CDH1: variants seen among roughly 807,000 people sequenced by gnomAD.
CDH1 encodes the protein cadherin-1.
In CDH1, 35 loss-of-function variants were observed where a neutral mutation model predicts 84.5. The ratio of observed to expected loss-of-function variants is 0.41; its 90% confidence interval spans 0.32 to 0.55. CDH1 has a LOEUF of 0.55. Ranked by LOEUF, CDH1 falls within the 20% of genes least tolerant of loss-of-function variation. The pLI is 0.19. For synonymous variants in CDH1, 417 were observed against 439.0 expected (o/e 0.95, Z 0.63); for missense variants, 994 against 1,126.6 (o/e 0.88, Z 1.68).
In CDH1 at chr16:68,786,534, C is replaced by CTTTTTTTTTTTTTTTTTTTTTTTTTTT. The variant is rs3074434; in HGVS notation, c.164-15117_164-15116insTTTTTTTTTTTTTTTTTTTTTTTTTTT. Among the ~76,000 whole-genome samples, 173 of 73,938 alleles carry CTTTTTTTTTTTTTTTTTTTTTTTTTTT rather than the reference C, an allele frequency of 2.3e-3. 5 individuals are homozygous for CTTTTTTTTTTTTTTTTTTTTTTTTTTT. The highest frequency in any genetic ancestry group is 3.8e-3 in the African/African-American group (64 of 16,946). The allele number at this position is 73,938 out of a possible 152,430, so 48.5% of individuals were successfully genotyped here. A position where few individuals can be genotyped will look rare whatever the true frequency, so the allele number is the denominator to read the frequency against. ...CTTTCTGCTTTCTTTTTTTTTTTTT[C>CTTTTTTTTTTTTTTTTTTTTTTTTTTT]TTTTTTTTTTTTTTTTTTTGGTATT... is the stretch of plus-strand genomic sequence containing the variant. On this transcript the variant is annotated intron_variant, in intron 2 of 15. Coordinates refer to ENST00000261769, the MANE Select transcript of CDH1 (RefSeq NM_004360.5).
chr16:68,785,712 G>A (rs1960028843), intron 2 of CDH1, among the ~76,000 whole-genome samples: 1 of 151,168 alleles, frequency 6.6e-6, no homozygotes. Context: ...GTGTCTTGAC[G>A]ATCATTCCCC....
intron 9 of CDH1, among the ~76,000 whole-genome samples, chr16:68,814,809 A>G (rs1960939433): frequency 6.6e-6 from 1 of 151,306 alleles, no homozygotes; most frequent in African/African-American, 2.4e-5. Flanking sequence ...GGGCCCAACT[A>G]CTTGGGAGGC....
intron 2 of CDH1, among the ~76,000 whole-genome samples, chr16:68,778,316 G>A (rs1003677079): frequency 1.3e-5 from 2 of 152,336 alleles, no homozygotes; most frequent in African/African-American, 4.8e-5. Context: ...AAAATGCTGG[G>A]ATTACAGGTG....
intron 2 of CDH1, among the ~76,000 whole-genome samples, chr16:68,769,769 G>C (rs1306782384): frequency 2.6e-5 from 4 of 151,778 alleles, no homozygotes; most frequent in South Asian, 4.2e-4. Context: ...CTCTACAAAA[G>C]ATAAAAACAT....
chr16:68,790,589 C>T (rs35444713), intron 2 of CDH1, among the ~76,000 whole-genome samples: 33,957 of 152,042 alleles, frequency 0.22, 4,564 homozygotes, highest in Middle Eastern at 0.32. Flanking sequence ...GAAAATCAAA[C>T]GCATTTCCCT....
At chr16:68,779,770 G>C (rs543313702) in intron 2 of CDH1, among the ~76,000 whole-genome samples, 1 of 152,138 alleles carries the variant, frequency 6.6e-6, no homozygotes, top group Non-Finnish European at 1.5e-5. Flanking sequence ...GAAGAATTGC[G>C]TGAACCTGGG....
At chr16:68,783,579 A>G (rs1193036181) in intron 2 of CDH1, among the ~76,000 whole-genome samples, 1 of 152,118 alleles carries the variant, frequency 6.6e-6, no homozygotes, top group African/African-American at 2.4e-5. Flanking sequence ...CCTATTCCCT[A>G]TCCCATTTAG....
intron 2 of CDH1, among the ~76,000 whole-genome samples, chr16:68,784,294 C>CCT (rs1959978073): frequency 6.6e-6 from 1 of 152,162 alleles, no homozygotes; most frequent in Admixed American, 6.6e-5. Flanking sequence ...TACAGTTCCG[C>CCT]CTCTGTGCAT....
In CDH1 at chr16:68,813,441, A is replaced by G. The variant is rs776805501; in HGVS notation, c.1266A>G (p.Gln422=). ...CCATATTGAATGATGATGGTGGACA[A>G]TTTGTCGTCACCACAAATCCAGTGA... ...VYTILNDDGG[Q]FVVTTNPVNN... The change falls in exon 9 of 16, where the codon CAA becomes CAG. Residue 422 remains glutamine (Q), a synonymous_variant. Coordinates refer to ENST00000261769, the MANE Select transcript of CDH1 (RefSeq NM_004360.5). 9.3e-6 allele frequency: 15 copies of G among 1,614,208 alleles called. No homozygotes were observed. The highest frequency in any genetic ancestry group is 3.3e-4 in the Middle Eastern group (2 of 6,062).
At position 68,785,739 on chromosome 16, in the gene CDH1, C is replaced by CTT. The variant is rs34117943; in HGVS notation, c.164-15920_164-15919dup. On this transcript the variant is annotated intron_variant, in intron 2 of 15. Coordinates refer to ENST00000261769, the MANE Select transcript of CDH1 (RefSeq NM_004360.5). The stretch of plus-strand genomic sequence containing the variant: ...TCATTCCCCTGCAGAGCATAAAGAG[C>CTT]TTTTTTTTTTTTAATAGGTTCATAG... 2.1e-3 allele frequency among the ~76,000 whole-genome samples: 311 copies of CTT among 147,784 alleles called. 3 individuals carry two copies. The highest frequency in any genetic ancestry group is 7.0e-3 in the African/African-American group (283 of 40,402).
At position 68,815,709 on chromosome 16, in the gene CDH1, C is replaced by G. The variant is rs1195063947; in HGVS notation, c.1515C>G (p.Ile505Met). Residue 505 changes from isoleucine to methionine, a missense_variant, in exon 10 of 16, where the codon ATC becomes ATG. Coordinates refer to ENST00000261769, the MANE Select transcript of CDH1 (RefSeq NM_004360.5). ...AGGACTTTGGCGTGGGCCAGGAAAT[C>G]ACATCCTACACTGCCCAGGAGCCAG... The part of the protein sequence containing the change: ...VSEDFGVGQE[I>M]TSYTAQEPDT... 1 of 1,614,252 alleles carries G rather than the reference C, an allele frequency of 6.2e-7. No homozygotes were observed. Among genetic ancestry groups the G allele is most frequent in the East Asian group, 2.2e-5 (1 of 44,888 alleles).
At chr16:68,829,847 G>A (rs2152142556) in intron 15 of CDH1, 50 bp downstream of exon 15, 2 of 1,578,618 alleles carry the variant, frequency 1.3e-6, no homozygotes, top group Non-Finnish European at 1.7e-6. Context: ...CTAAGCTCAG[G>A]AGGAGTTGTG....
chr16:68,748,118 T>G (rs1186139639), intron 2 of CDH1, among the ~76,000 whole-genome samples: 1 of 147,872 alleles, frequency 6.8e-6, no homozygotes, highest in East Asian at 2.0e-4. Context: ...TTACTTTTTT[T>G]TTTTTTTTTT....
At position 68,822,186 on chromosome 16, in the gene CDH1, G is replaced by T. The variant is rs587781615; in HGVS notation, c.1897G>T (p.Gly633Trp). Residue 633 changes from glycine to tryptophan, a missense_variant, in exon 12 of 16, where the codon GGG becomes TGG. By Grantham distance (184) the Gly-to-Trp change is radical. Coordinates refer to ENST00000261769, the MANE Select transcript of CDH1 (RefSeq NM_004360.5). ...TSPFTAELTH[G>W]ASANWTIQYN... Reference sequence around the variant, plus strand: ...TCCCTTCACAGCAGAACTAACACACGGGGCGAGTGCCAACTGGACCATTCA... The same window carrying T: ...TCCCTTCACAGCAGAACTAACACACTGGGCGAGTGCCAACTGGACCATTCA... 6.2e-7 allele frequency: 1 copy of T among 1,614,062 alleles called. No individual in the cohort carries two copies. Among genetic ancestry groups the T allele is most frequent in the Non-Finnish European group, 8.5e-7 (1 of 1,179,986 alleles).
At chr16:68,830,964 T>C (rs1294672532) in intron 15 of CDH1, among the ~76,000 whole-genome samples, 1 of 152,008 alleles carries the variant, frequency 6.6e-6, no homozygotes, top group Admixed American at 6.6e-5. Context: ...TAAGTTATGT[T>C]CTCTAGTAAC....
intron 2 of CDH1, among the ~76,000 whole-genome samples, chr16:68,785,658 A>ATCCCCTTCTTTTT (rs1960027360): frequency 6.6e-6 from 1 of 152,208 alleles, no homozygotes; most frequent in South Asian, 2.1e-4. Context: ...AGTTACACAA[A>ATCCCCTTCTTTTT]AGATAGCACT....
At chr16:68,789,948 C>CG (rs1270488033) in intron 2 of CDH1, among the ~76,000 whole-genome samples, 2 of 152,032 alleles carry the variant, frequency 1.3e-5, no homozygotes, top group African/African-American at 4.8e-5. Context: ...CCCATCTACT[C>CG]GGGAGGCTGA....
At chr16:68,739,737 C>T (rs758052201) in intron 2 of CDH1, among the ~76,000 whole-genome samples, 3 of 151,108 alleles carry the variant, frequency 2.0e-5, no homozygotes, top group Non-Finnish European at 4.4e-5. Context: ...GCCTCAGCCT[C>T]CTGAGTAGCT....
At chr16:68,738,964 T>TTTTTTTTTTTTTA (rs555202424) in intron 2 of CDH1, among the ~76,000 whole-genome samples, 4,920 of 65,360 alleles carry the variant, frequency 0.075, 1,896 homozygotes, top group East Asian at 0.1. Flanking sequence ...TTTTTTTTTT[T>TTTTTTTTTTTTTA]AAAGACAGGG....
Sources: allele counts gnomAD v4.1 joint callset (sites outside exome capture counted in the v4.1 genomes callset), GRCh38; gene constraint gnomAD v4.1.1; transcripts MANE v1.5; gene names NCBI Gene and HGNC (gene_info 2026-07-23, HGNC 2026-07-21).